Variants in TMEM17 observed in about 807,000 individuals in gnomAD.
The protein encoded by TMEM17 is transmembrane protein 17.
In TMEM17, 15 loss-of-function variants were observed where a neutral mutation model predicts 19.1. The observed-to-expected ratio is 0.78, with a 90% confidence interval of 0.52 to 1.21. TMEM17 has a LOEUF of 1.21. Among genes scored for constraint, TMEM17 ranks in the 50% most tolerant of loss-of-function variants. The probability of loss-of-function intolerance (pLI) is 0.00; values close to 1 mark genes in which losing one functional copy is unlikely to be tolerated. For synonymous variants in TMEM17, 103 were observed against 86.9 expected, an observed-to-expected ratio of 1.19 and a Z score of -1.03; for missense variants, 245 against 242.3, an observed-to-expected ratio of 1.01 and a Z score of -0.07.
At chr2:62,480,532 T>C in the TMEM17 span, among the ~76,000 whole-genome samples, 2 of 152,228 alleles carry the variant, frequency 1.3e-5, no homozygotes. Context: ...TTTCTTCTAG[T>C]AGTTTTATAG....
chr2:62,468,152 C>T, the TMEM17 span, among the ~76,000 whole-genome samples: 1 of 152,066 alleles, frequency 6.6e-6, no homozygotes, highest in Admixed American at 6.6e-5. Flanking sequence ...CCACTTCACC[C>T]CTGCTGGGTG....
chr2:62,475,817 A>AT, the TMEM17 span, among the ~76,000 whole-genome samples: 1 of 152,290 alleles, frequency 6.6e-6, no homozygotes, highest in East Asian at 1.9e-4. Context: ...TCAGGAACAA[A>AT]ACATGACTAC....
chr2:62,456,102 T>G, the TMEM17 span, among the ~76,000 whole-genome samples: 1 of 152,372 alleles, frequency 6.6e-6, no homozygotes, highest in South Asian at 2.1e-4. Context: ...GTTCACTGTT[T>G]GATCCCAAGT....
At chr2:62,502,413 G>GA (rs1450858590) in intron 3 of TMEM17, 24 bp downstream of exon 3, 1 of 1,473,016 alleles carries the variant, frequency 6.8e-7, no homozygotes, top group South Asian at 1.1e-5. Flanking sequence ...ATCTATCACT[G>GA]AGAGAAAGGA....
At chr2:62,465,409 A>G in the TMEM17 span, among the ~76,000 whole-genome samples, 1 of 152,186 alleles carries the variant, frequency 6.6e-6, no homozygotes, top group Non-Finnish European at 1.5e-5. Context: ...GGGGAATGGT[A>G]CACAGAACTC....
chr2:62,488,499 A>G, the TMEM17 span, among the ~76,000 whole-genome samples: 1 of 151,868 alleles, frequency 6.6e-6, no homozygotes, highest in Non-Finnish European at 1.5e-5. Flanking sequence ...TTTTGAAAAA[A>G]AAAAAAAAAA....
At chr2:62,502,825 T>C (rs569770820) in intron 1 of TMEM17, 31 bp from the exon 2 acceptor site, 28 of 1,422,992 alleles carry the variant, frequency 2.0e-5, no homozygotes, top group South Asian at 2.5e-5. Flanking sequence ...GAACAAATGA[T>C]GAATCTTGGG....
the TMEM17 span, among the ~76,000 whole-genome samples, chr2:62,492,535 G>A: frequency 6.6e-6 from 1 of 152,192 alleles, no homozygotes; most frequent in Non-Finnish European, 1.5e-5. Context: ...TCAAATATGA[G>A]TAAATGTGGC....
chr2:62,501,356 G>A lies in TMEM17; in HGVS notation c.450C>T (p.Phe150=). The A allele has an allele frequency of 6.2e-7, 1 of 1,614,178 alleles. No individual in the cohort carries two copies. Among genetic ancestry groups the A allele is most frequent in the Non-Finnish European group, 8.5e-7 (1 of 1,180,028 alleles). Residue 150 remains phenylalanine, a synonymous_variant, in exon 4 of 4, where the codon TTC becomes TTT. Coordinates refer to ENST00000335390, the MANE Select transcript of TMEM17 (RefSeq NM_198276.3). ...ATGCTGCAACAACTTGGAAAGCAAG[G>A]AAGAGAGTGAAGATGATATGTATCG... The part of the protein sequence containing the change: ...EKAIHIIFTL[F]LAFQVVAAFL...
chr2:62,454,276 G>A, the TMEM17 span, among the ~76,000 whole-genome samples: 1 of 152,234 alleles, frequency 6.6e-6, no homozygotes, highest in South Asian at 2.1e-4. Context: ...CACAGACCCA[G>A]CTCTGGGGGT....
the TMEM17 span, among the ~76,000 whole-genome samples, chr2:62,494,015 T>G: frequency 1.4e-3 from 207 of 152,336 alleles, no homozygotes; most frequent in African/African-American, 4.8e-3. Context: ...TAGGCAGGAT[T>G]CATCACCTAT....
the TMEM17 span, among the ~76,000 whole-genome samples, chr2:62,458,765 A>G: frequency 1.3e-5 from 2 of 152,316 alleles, no homozygotes; most frequent in African/African-American, 4.8e-5. Context: ...GTAGCAACTC[A>G]GGGCGAGGCA....
the TMEM17 span, among the ~76,000 whole-genome samples, chr2:62,462,516 T>C: frequency 6.6e-4 from 101 of 152,320 alleles, no homozygotes; most frequent in Non-Finnish European, 1.2e-3. Context: ...CCTCTGCTTT[T>C]GCTTACAATT....
the TMEM17 span, among the ~76,000 whole-genome samples, chr2:62,472,050 G>T: frequency 6.6e-6 from 1 of 152,224 alleles, no homozygotes; most frequent in African/African-American, 2.4e-5. Flanking sequence ...CCTTGGCGGG[G>T]TTTCAGCCTC....
At chr2:62,484,949 T>C in the TMEM17 span, among the ~76,000 whole-genome samples, 1 of 152,338 alleles carries the variant, frequency 6.6e-6, no homozygotes, top group African/African-American at 2.4e-5. Context: ...ATAATTTTTT[T>C]GTTTTTTGAG....
the TMEM17 span, among the ~76,000 whole-genome samples, chr2:62,470,207 A>G: frequency 1.3e-5 from 2 of 152,148 alleles, no homozygotes; most frequent in East Asian, 3.8e-4. Flanking sequence ...CCTCTGTATT[A>G]TGAGCACTTC....
the TMEM17 span, among the ~76,000 whole-genome samples, chr2:62,467,021 C>T: frequency 6.6e-6 from 1 of 151,982 alleles, no homozygotes; most frequent in East Asian, 1.9e-4. Context: ...CGCTCTGTTG[C>T]CCAGGTTAAT....
chr2:62,503,838 G>A (rs1679996343), intron 1 of TMEM17, among the ~76,000 whole-genome samples: 1 of 152,150 alleles, frequency 6.6e-6, no homozygotes, highest in South Asian at 2.1e-4. Flanking sequence ...CTGTCATAAG[G>A]ACATTACTAG....
the TMEM17 span, among the ~76,000 whole-genome samples, chr2:62,486,283 T>C: frequency 1.3e-5 from 2 of 152,156 alleles, no homozygotes; most frequent in East Asian, 3.9e-4. Context: ...CCTGAAGATG[T>C]GGACAAAAAT....
Sources: gnomAD v4.1 joint callset for allele counts (sites outside exome capture counted in the v4.1 genomes callset) on GRCh38, gnomAD v4.1.1 for gene constraint, MANE v1.5 for transcripts, NCBI Gene and HGNC (gene_info 2026-07-23, HGNC 2026-07-21) for gene names.